FAM53A: variants seen among roughly 807,000 people sequenced by gnomAD.
The protein encoded by FAM53A is family with sequence similarity 53 member A, also known as protein FAM53A.
In FAM53A, 28 loss-of-function variants were observed where a neutral mutation model predicts 26.6. The observed-to-expected ratio is 1.05, with a 90% CI of 0.78 to 1.45. The LOEUF is 1.45. FAM53A is among the 40% of genes most tolerant of loss of function. FAM53A has a pLI of 0.00. For missense variants in FAM53A, 650 were observed against 575.8 expected, an observed-to-expected ratio of 1.13 and a Z score of -1.32; for synonymous variants, 290 against 253.1, an observed-to-expected ratio of 1.15 and a Z score of -1.38.
At chr4:1,635,868 G>T (rs1311171582), downstream of FAM53A, among the ~76,000 whole-genome samples, 1 of 125,024 alleles carries the variant, frequency 8.0e-6, no homozygotes, top group Non-Finnish European at 1.6e-5. Context: ...TTTTGAGATG[G>T]AGTCTTGCTC....
chr4:1,652,847 C>G (rs1267278065), intron 4 of FAM53A, among the ~76,000 whole-genome samples: 1 of 148,862 alleles, frequency 6.7e-6, no homozygotes, highest in Non-Finnish European at 1.5e-5. Flanking sequence ...ACACGCTACA[C>G]ACCACACAGC....
downstream of FAM53A, among the ~76,000 whole-genome samples, chr4:1,614,500 G>GACGTGAGGGGGACGCAGAC: frequency 6.7e-6 from 1 of 148,922 alleles, no homozygotes; most frequent in South Asian, 2.2e-4. Flanking sequence ...GGGACGCAGA[G>GACGTGAGGGGGACGCAGAC]ACGTGAGGGG....
At chr4:1,622,383 C>T (rs1223087470) in intron 1 of FAM53A, among the ~76,000 whole-genome samples, 1 of 152,112 alleles carries the variant, frequency 6.6e-6, no homozygotes, top group East Asian at 1.9e-4. Context: ...CTGGGGTGGG[C>T]ACCTTCCCTG....
downstream of FAM53A, among the ~76,000 whole-genome samples, chr4:1,616,891 C>G (rs1216166382): frequency 6.6e-6 from 1 of 152,210 alleles, no homozygotes; most frequent in Non-Finnish European, 1.5e-5. Context: ...AATCCCGGCA[C>G]TCTGGGAGGC....
At chr4:1,622,071 GAC>G (rs1715062872) in intron 1 of FAM53A, among the ~76,000 whole-genome samples, 1 of 152,100 alleles carries the variant, frequency 6.6e-6, no homozygotes, top group Non-Finnish European at 1.5e-5. Flanking sequence ...GCCACCTGAC[GAC>G]ACAGCAAGAG....
At chr4:1,680,331 A>C (rs1088664) in intron 1 of FAM53A, among the ~76,000 whole-genome samples, 36,525 of 144,838 alleles carry the variant, frequency 0.25, 5,902 homozygotes, top group Middle Eastern at 0.43. Flanking sequence ...AAAAAAAAAA[A>C]AAAAAAAAAA....
At chr4:1,602,401 T>C in the FAM53A span, among the ~76,000 whole-genome samples, 1 of 152,344 alleles carries the variant, frequency 6.6e-6, no homozygotes, top group South Asian at 2.1e-4. Flanking sequence ...GGCTGGGGTC[T>C]CTGGCCCACA....
intron 1 of FAM53A, among the ~76,000 whole-genome samples, chr4:1,670,955 C>A (rs113048772): frequency 1.2e-3 from 109 of 87,332 alleles, no homozygotes; most frequent in Middle Eastern, 0.019. Context: ...CGTCAGAGCC[C>A]CCAGCTCACA....
chr4:1,612,117 C>T, the FAM53A span, among the ~76,000 whole-genome samples: 3 of 152,100 alleles, frequency 2.0e-5, no homozygotes, highest in African/African-American at 7.2e-5. Flanking sequence ...ATTGCAGACC[C>T]ATTAAAGAAT....
upstream of FAM53A, among the ~76,000 whole-genome samples, chr4:1,685,685 G>A (rs922122592): frequency 5.9e-5 from 9 of 152,290 alleles, no homozygotes; most frequent in Middle Eastern, 6.8e-3. Flanking sequence ...AGCGGGGCTG[G>A]GGAGGGGAGA....
At chr4:1,682,892 C>T (rs935296656) in intron 1 of FAM53A, among the ~76,000 whole-genome samples, 20 of 152,230 alleles carry the variant, frequency 1.3e-4, no homozygotes, top group African/African-American at 4.6e-4. Flanking sequence ...CATAAGGACG[C>T]ATCCAAAGGG....
chr4:1,579,450 C>T, the FAM53A span, among the ~76,000 whole-genome samples: 1 of 152,162 alleles, frequency 6.6e-6, no homozygotes, highest in Non-Finnish European at 1.5e-5. Flanking sequence ...CCGCACTCGC[C>T]CCCTTGTCCC....
In FAM53A at chr4:1,669,600, C is replaced by T. The variant is rs577077873; in HGVS notation, c.-164-695G>A. Among the ~76,000 whole-genome samples the T allele has an allele frequency of 3.9e-5, 6 of 152,346 alleles. No individual in the cohort carries two copies. In the South Asian group the frequency reaches 6.2e-4, roughly 16 times the overall value. ...CACCCAGCGTGTCCCCAAACTGCCCCGGCTTTGACCCTTCTCAGGGTCCCA... is the reference window on the plus strand; with the variant it reads ...CACCCAGCGTGTCCCCAAACTGCCCTGGCTTTGACCCTTCTCAGGGTCCCA... On this transcript the variant is annotated intron_variant, in intron 1 of 4. Transcript: ENST00000308132.
intron 4 of FAM53A, among the ~76,000 whole-genome samples, chr4:1,653,911 C>T (rs1300015600): frequency 6.6e-6 from 1 of 152,234 alleles, no homozygotes; most frequent in Admixed American, 6.5e-5. Flanking sequence ...CAGTCACTGT[C>T]CCCACAGGAT....
At chr4:1,631,159 T>A (rs1715594420) in intron 1 of FAM53A, among the ~76,000 whole-genome samples, 2 of 152,236 alleles carry the variant, frequency 1.3e-5, no homozygotes, top group South Asian at 4.1e-4. Flanking sequence ...TGGCTCTGAC[T>A]CTGCCACCTG....
downstream of FAM53A, among the ~76,000 whole-genome samples, chr4:1,613,125 G>C (rs912072319): frequency 1.3e-5 from 2 of 152,214 alleles, no homozygotes; most frequent in Non-Finnish European, 2.9e-5. Context: ...ACAGAAAGCA[G>C]GGCTATTCCC....
intron 4 of FAM53A, among the ~76,000 whole-genome samples, chr4:1,647,739 G>A (rs746160813): frequency 6.6e-6 from 1 of 152,246 alleles, no homozygotes; most frequent in African/African-American, 2.4e-5. Flanking sequence ...GCACATGAGT[G>A]GGAGTGTGCA....
chr4:1,616,829 T>C (rs60236016), downstream of FAM53A, among the ~76,000 whole-genome samples: 5,169 of 152,264 alleles, frequency 0.034, 250 homozygotes, highest in African/African-American at 0.1. Flanking sequence ...TTCTTTAATA[T>C]AGGCTCAAAT....
the FAM53A span, among the ~76,000 whole-genome samples, chr4:1,603,705 G>C: frequency 6.6e-6 from 1 of 152,210 alleles, no homozygotes; most frequent in Non-Finnish European, 1.5e-5. Flanking sequence ...GTGTGTGTGC[G>C]GCCTGCAGCT....
Sources: allele counts gnomAD v4.1 joint callset (sites outside exome capture counted in the v4.1 genomes callset), GRCh38; gene constraint gnomAD v4.1.1; transcripts MANE v1.5; gene names NCBI Gene and HGNC (gene_info 2026-07-23, HGNC 2026-07-21).